The following TBCE variants were observed in gnomAD, a reference collection of about 807,000 sequenced individuals.
TBCE encodes tubulin-specific chaperone E.
A neutral mutation model predicts 77.0 loss-of-function variants in TBCE; 53 were observed. The observed-to-expected ratio is 0.69, with a 90% confidence interval of 0.55 to 0.87. The LOEUF (loss-of-function observed/expected upper bound fraction) is 0.87, where lower values mean the gene tolerates loss of function less well. TBCE is among the 40% of genes least tolerant of loss of function. TBCE has a pLI of 0.00. For synonymous variants in TBCE, 235 were observed against 241.3 expected (o/e 0.97, Z 0.24); for missense variants, 624 against 622.4 (o/e 1.00, Z -0.03).
intron 1 of TBCE, among the ~76,000 whole-genome samples, chr1:235,375,880 T>TG (rs1018708266): frequency 5.9e-5 from 9 of 151,498 alleles, no homozygotes; most frequent in African/African-American, 2.2e-4. Context: ...CCATCTCTAT[T>TG]GAAAAAAAAA....
intron 7 of TBCE, among the ~76,000 whole-genome samples, chr1:235,432,717 A>G (rs1356172541): frequency 6.6e-6 from 1 of 152,018 alleles, no homozygotes; most frequent in Non-Finnish European, 1.5e-5. Flanking sequence ...CAGTGAGAAA[A>G]TTTAGAAATA....
chr1:235,435,757 T>C lies in TBCE; in HGVS notation c.750T>C (p.Val250=). ...NIFISERPTD[V]LQTVKLLDLS... ...ATTTTCCATACAGGCCAACAGATGT[T>C]CTCCAGACAGTCAAGTTATTAGATC... Residue 250 remains valine (V), a synonymous_variant, in exon 9 of 17, where the codon GTT becomes GTC. Transcript: ENST00000642610. 1 of 1,614,090 alleles carries C rather than the reference T, an allele frequency of 6.2e-7. No individual in the cohort carries two copies. The highest frequency in any genetic ancestry group is 8.5e-7 in the Non-Finnish European group (1 of 1,179,956).
intron 5 of TBCE, among the ~76,000 whole-genome samples, chr1:235,426,368 G>A (rs993082333): frequency 5.9e-5 from 9 of 152,100 alleles, no homozygotes; most frequent in East Asian, 1.9e-4. Flanking sequence ...TAAGTCATGC[G>A]CTTTTGCACA....
At chr1:235,398,957 C>CT (rs1489694486) in intron 2 of TBCE, among the ~76,000 whole-genome samples, 1 of 149,232 alleles carries the variant, frequency 6.7e-6, no homozygotes, top group Non-Finnish European at 1.5e-5. Flanking sequence ...TATTTCTTTT[C>CT]TTTTTTTCTT....
chr1:235,390,129 A>AAAAAAG (rs1196814922), intron 2 of TBCE, among the ~76,000 whole-genome samples: 2 of 152,076 alleles, frequency 1.3e-5, no homozygotes, highest in African/African-American at 4.8e-5. Flanking sequence ...GTCTCAAAAA[A>AAAAAAG]AAAAAGAAAA....
intron 2 of TBCE, among the ~76,000 whole-genome samples, chr1:235,382,143 C>T (rs1386019702): frequency 3.3e-5 from 5 of 151,510 alleles, no homozygotes; most frequent in East Asian, 1.9e-4. Context: ...AGGACATGAA[C>T]TCATCATTTT....
At chr1:235,447,977 A>T (rs1398451579) in intron 15 of TBCE, among the ~76,000 whole-genome samples, 1 of 152,008 alleles carries the variant, frequency 6.6e-6, no homozygotes, top group Non-Finnish European at 1.5e-5. Flanking sequence ...TTGGGGGGCC[A>T]GGGCGGGCGG....
chr1:235,397,793 T>A (rs1162464226), intron 2 of TBCE, among the ~76,000 whole-genome samples: 1 of 152,190 alleles, frequency 6.6e-6, no homozygotes, highest in Non-Finnish European at 1.5e-5. Context: ...TCGCCCTGGA[T>A]GTAGAAAGCA....
intron 7 of TBCE, chr1:235,433,130 A>G: frequency 6.8e-7 from 1 of 1,480,970 alleles, no homozygotes; most frequent in Non-Finnish European, 8.9e-7. Flanking sequence ...TTTAACAGCC[A>G]GTTTAAAACC....
intron 2 of TBCE, among the ~76,000 whole-genome samples, chr1:235,396,715 A>G (rs1007519416): frequency 3.3e-5 from 5 of 152,016 alleles, no homozygotes; most frequent in Admixed American, 2.6e-4. Flanking sequence ...TTTGATTTGC[A>G]TTTCTCTGAT....
At chr1:235,442,784 G>T in intron 14 of TBCE, 68 bp from the exon 15 acceptor site, 1 of 1,474,200 alleles carries the variant, frequency 6.8e-7, no homozygotes, top group Non-Finnish European at 9.4e-7. Context: ...ATCTGTTGAT[G>T]TGTGTGGATA....
chr1:235,405,462 C>G (rs1019074314), intron 3 of TBCE, among the ~76,000 whole-genome samples: 2 of 151,538 alleles, frequency 1.3e-5, no homozygotes, highest in Non-Finnish European at 2.9e-5. Flanking sequence ...ATGGTTAAAC[C>G]CCGTCTCTAC....
intron 12 of TBCE, 94 bp from the exon 13 acceptor site, chr1:235,438,675 C>A: frequency 7.1e-7 from 1 of 1,415,432 alleles, no homozygotes; most frequent in Non-Finnish European, 9.9e-7. Flanking sequence ...TTATTTTCTG[C>A]ATGTGCTATG....
At chr1:235,428,725 C>G (rs753991907) in intron 6 of TBCE, among the ~76,000 whole-genome samples, 16 of 151,098 alleles carry the variant, frequency 1.1e-4, no homozygotes, top group Non-Finnish European at 2.2e-4. Flanking sequence ...CTCACTGCAA[C>G]CTCTGCCTCC....
Position 235,439,229 on chromosome 1 carries a change from G to C in TBCE, c.1270+307G>C, listed in dbSNP as rs138909608. ...GGAGTTGGCCGGGCGCGGTGGCTCA[G>C]GCCTGTAATCCCAGCATTTTGGGAG... On this transcript the variant is annotated intron_variant, in intron 13 of 16. Coordinates refer to ENST00000642610, the MANE Select transcript of TBCE (RefSeq NM_003193.5). 0.052 allele frequency among the ~76,000 whole-genome samples: 7,914 copies of C among 151,008 alleles called. 394 individuals carry two copies. Among genetic ancestry groups the C allele is most frequent in the African/African-American group, 0.13 (5,194 of 40,860 alleles).
At chr1:235,375,152 C>T (rs149900743) in intron 1 of TBCE, among the ~76,000 whole-genome samples, 6,620 of 151,376 alleles carry the variant, frequency 0.044, 225 homozygotes, top group Non-Finnish European at 0.072. Context: ...AATCTCCTGA[C>T]CTCATGATCC....
At chr1:235,367,996 C>G (rs987797135) in intron 1 of TBCE, among the ~76,000 whole-genome samples, 3 of 152,152 alleles carry the variant, frequency 2.0e-5, no homozygotes, top group African/African-American at 7.2e-5. Context: ...ACCTCCGCCT[C>G]CTGGGTTCAA....
intron 1 of TBCE, among the ~76,000 whole-genome samples, chr1:235,371,838 A>C (rs576244791): frequency 6.2e-4 from 94 of 151,968 alleles, no homozygotes; most frequent in African/African-American, 2.0e-3. Flanking sequence ...ATACCCAGCT[A>C]ATTTTTGTTT....
chr1:235,451,488 A>AAAAG lies in TBCE; in HGVS notation c.*2729_*2730insGAAA, dbSNP rs1553342378. The AAAAG allele has an allele frequency of 3.3e-5, 5 of 151,874 alleles. No individual in the cohort carries two copies. Among genetic ancestry groups the AAAAG allele is most frequent in the African/African-American group, 1.2e-4 (5 of 41,340 alleles). The allele number at this position is 151,874 out of a possible 1,614,324, so 9.4% of individuals were successfully genotyped here. On this transcript the variant is annotated 3_prime_UTR_variant, in exon 17 of 17. Transcript: ENST00000642610. ...AGATGGTCACAAAAAAAAAAAAAAA[A>AAAAG]AAAAGACCGCATCAGAAAACAAGCG...
Sources: gnomAD v4.1 joint callset for allele counts (sites outside exome capture counted in the v4.1 genomes callset) on GRCh38, gnomAD v4.1.1 for gene constraint, MANE v1.5 for transcripts, NCBI Gene and HGNC (gene_info 2026-07-23, HGNC 2026-07-21) for gene names.